MACROD2: variants seen among roughly 807,000 people sequenced by gnomAD.
MACROD2 encodes the protein mono-ADP ribosylhydrolase 2, also known as ADP-ribose glycohydrolase MACROD2.
MACROD2 carries 36 observed loss-of-function variants against 70.4 expected under a neutral mutation model. The ratio of observed to expected loss-of-function variants is 0.51; its 90% CI spans 0.39 to 0.68. MACROD2 has a LOEUF of 0.68. Ranked by LOEUF, MACROD2 falls within the 30% of genes least tolerant of loss-of-function variation. The pLI is 0.00. For synonymous variants in MACROD2, 172 were observed against 178.8 expected (o/e 0.96, Z 0.30); for missense variants, 496 against 538.4 (o/e 0.92, Z 0.78).
rs543956341 is a variant in MACROD2 at position 15,680,132 on chromosome 20, G to C, written c.645+180285G>C. On this transcript the variant is annotated intron_variant, in intron 8 of 17. Transcript: ENST00000684519. Reference sequence around the variant, plus strand: ...TCCCTGCTTCCTGTGCCTTCCTCCTGGTCTCATAAAAAAAGTGCATGAGAA... The same window carrying C: ...TCCCTGCTTCCTGTGCCTTCCTCCTCGTCTCATAAAAAAAGTGCATGAGAA... 2.6e-5 allele frequency among the ~76,000 whole-genome samples: 4 copies of C among 152,062 alleles called. No homozygotes were observed. In the South Asian group the frequency reaches 8.3e-4, roughly 32 times the overall value.
At chr20:14,781,985 G>A (rs945280874) in intron 5 of MACROD2, among the ~76,000 whole-genome samples, 1 of 151,666 alleles carries the variant, frequency 6.6e-6, no homozygotes, top group Non-Finnish European at 1.5e-5. Flanking sequence ...GAGTGCAGTG[G>A]TGATCTCAGC....
rs117343773 is a variant in MACROD2 at position 15,355,544 on chromosome 20, A to G, written c.541-75861A>G. ...ATAATTTTTATTGAGGTTTCATTACATAGACAAGATTGATTAAATAATTGG... is the reference window on the plus strand; with the variant it reads ...ATAATTTTTATTGAGGTTTCATTACGTAGACAAGATTGATTAAATAATTGG... On this transcript the variant is annotated intron_variant, in intron 6 of 17. Coordinates refer to ENST00000684519, the MANE Select transcript of MACROD2 (RefSeq NM_001351661.2). Among the ~76,000 whole-genome samples, 586 of 152,300 alleles carry G rather than the reference A, an allele frequency of 3.8e-3. 1 individual carries two copies. The highest frequency in any genetic ancestry group is 5.5e-3 in the Non-Finnish European group (371 of 68,026).
At chr20:15,233,599 A>G (rs1376939781) in intron 6 of MACROD2, among the ~76,000 whole-genome samples, 1 of 152,126 alleles carries the variant, frequency 6.6e-6, no homozygotes, top group East Asian at 1.9e-4. Flanking sequence ...AAAATTCATT[A>G]CATTTCTGTT....
intron 3 of MACROD2, among the ~76,000 whole-genome samples, chr20:14,469,131 A>G (rs1177257182): frequency 6.6e-6 from 1 of 151,542 alleles, no homozygotes; most frequent in African/African-American, 2.4e-5. Context: ...TGGTGGTGAC[A>G]AAATCTCTCA....
At chr20:14,793,091 G>A (rs943385786) in intron 5 of MACROD2, among the ~76,000 whole-genome samples, 2 of 151,954 alleles carry the variant, frequency 1.3e-5, no homozygotes, top group African/African-American at 4.8e-5. Flanking sequence ...TGGAGATGAG[G>A]GCACTGGAGT....
intron 8 of MACROD2, among the ~76,000 whole-genome samples, chr20:15,644,648 C>T (rs901150177): frequency 7.9e-5 from 12 of 152,132 alleles, no homozygotes; most frequent in African/African-American, 2.9e-4. Context: ...TTATTTAACT[C>T]ATTTGAAAGA....
chr20:14,832,104 A>G (rs1321593675), intron 5 of MACROD2, among the ~76,000 whole-genome samples: 19 of 127,404 alleles, frequency 1.5e-4, no homozygotes, highest in South Asian at 5.4e-4. Flanking sequence ...GTGCAGTGGC[A>G]CGATCTCGGC....
At chr20:14,656,123 C>A (rs941935419) in intron 4 of MACROD2, among the ~76,000 whole-genome samples, 2 of 152,166 alleles carry the variant, frequency 1.3e-5, no homozygotes, top group African/African-American at 4.8e-5. Flanking sequence ...TTTCCCATAG[C>A]CAATCCATTT....
chr20:15,794,782 A>G (rs1194322208), intron 8 of MACROD2, among the ~76,000 whole-genome samples: 2 of 152,170 alleles, frequency 1.3e-5, no homozygotes, highest in Non-Finnish European at 2.9e-5. Context: ...CATCAAGTGA[A>G]GCTTTAAAAG....
chr20:14,998,423 G>T (rs576949603), intron 5 of MACROD2, among the ~76,000 whole-genome samples: 1 of 152,142 alleles, frequency 6.6e-6, no homozygotes, highest in East Asian at 1.9e-4. Flanking sequence ...ACAATGAAAT[G>T]GACATAATTT....
At chr20:15,956,926 A>G (rs775499245) in intron 12 of MACROD2, among the ~76,000 whole-genome samples, 4 of 152,234 alleles carry the variant, frequency 2.6e-5, no homozygotes, top group African/African-American at 4.8e-5. Context: ...GATTTACCGT[A>G]GAATCTGCTG....
intron 3 of MACROD2, among the ~76,000 whole-genome samples, chr20:14,327,805 G>T (rs1357859485): frequency 6.6e-6 from 1 of 151,818 alleles, no homozygotes; most frequent in Non-Finnish European, 1.5e-5. Flanking sequence ...ATTTGATTTT[G>T]AAATATTAAA....
intron 10 of MACROD2, among the ~76,000 whole-genome samples, chr20:15,909,507 TA>T (rs2065200762): frequency 6.8e-6 from 1 of 146,014 alleles, no homozygotes; most frequent in Non-Finnish European, 1.5e-5. Context: ...CATAAGTACA[TA>T]ATACAATTTT....
intron 5 of MACROD2, among the ~76,000 whole-genome samples, chr20:15,213,117 C>G (rs548240535): frequency 1.3e-5 from 2 of 152,290 alleles, no homozygotes; most frequent in Non-Finnish European, 2.9e-5. Flanking sequence ...GCAAGTTAAG[C>G]ATAGCCCATG....
At chr20:14,284,934 A>C (rs1340612409) in intron 3 of MACROD2, among the ~76,000 whole-genome samples, 2 of 152,222 alleles carry the variant, frequency 1.3e-5, no homozygotes, top group Non-Finnish European at 2.9e-5. Context: ...ATATGGCATC[A>C]GATAAGCTTG....
intron 3 of MACROD2, among the ~76,000 whole-genome samples, chr20:14,220,486 T>C (rs1474634176): frequency 6.6e-6 from 1 of 152,164 alleles, no homozygotes; most frequent in Non-Finnish European, 1.5e-5. Flanking sequence ...AGAGCTTGGT[T>C]CTTCCCCTGC....
intron 8 of MACROD2, among the ~76,000 whole-genome samples, chr20:15,794,921 A>T (rs2063659238): frequency 6.6e-6 from 1 of 152,170 alleles, no homozygotes; most frequent in Admixed American, 6.5e-5. Context: ...CCCCGTGGCT[A>T]GTTCCTATGA....
chr20:15,562,199 T>C (rs1003409294), intron 8 of MACROD2, among the ~76,000 whole-genome samples: 1 of 152,054 alleles, frequency 6.6e-6, no homozygotes, highest in Non-Finnish European at 1.5e-5. Context: ...CAGCCAGCCT[T>C]AGTTTTTGGT....
At chr20:15,895,948 A>G (rs1289169573) in intron 10 of MACROD2, among the ~76,000 whole-genome samples, 2 of 152,202 alleles carry the variant, frequency 1.3e-5, no homozygotes, top group Non-Finnish European at 2.9e-5. Context: ...CAGAGTTTCT[A>G]TTTTGACAAA....
Sources: allele counts gnomAD v4.1 joint callset (sites outside exome capture counted in the v4.1 genomes callset), GRCh38; gene constraint gnomAD v4.1.1; transcripts MANE v1.5; gene names NCBI Gene and HGNC (gene_info 2026-07-23, HGNC 2026-07-21).